HCN2: variants seen among roughly 807,000 people sequenced by gnomAD.
The protein encoded by HCN2 is hyperpolarization activated cyclic nucleotide gated potassium and sodium channel 2, also known as potassium/sodium hyperpolarization-activated cyclic nucleotide-gated channel 2.
A neutral mutation model predicts 52.3 loss-of-function variants in HCN2; 20 were observed. That is an observed-to-expected ratio of 0.38 (90% CI 0.27 to 0.56). HCN2 has a LOEUF of 0.56. Ranked by LOEUF, HCN2 falls within the 20% of genes least tolerant of loss-of-function variation. HCN2 has a pLI of 0.71. For missense variants in HCN2, 981 were observed against 1,207.7 expected, an observed-to-expected ratio of 0.81 and a Z score of 2.78; for synonymous variants, 694 against 537.0, an observed-to-expected ratio of 1.29 and a Z score of -4.04.
rs1982874104 is a variant in HCN2, at chr19:591,588, GGTGGGGTGTGGA to G, written c.632+1013_632+1024del. On this transcript the variant is annotated intron_variant, in intron 1 of 7. Coordinates refer to ENST00000251287, the MANE Select transcript of HCN2 (RefSeq NM_001194.4). This position sits in a 1 kb window ranked among gnomAD's most constrained non-coding sequence, Gnocchi z 4.1. ...TTGTGTATCCACGAGTGGGGTGTGA[GGTGGGGTGTGGA>G]GGGTGCAGGTGGAGGGTGTAGGTGG... Among the ~76,000 whole-genome samples, 1 of 152,108 alleles carries G rather than the reference GGTGGGGTGTGGA, an allele frequency of 6.6e-6. No homozygotes were observed. The highest frequency in any genetic ancestry group is 2.1e-4 in the South Asian group (1 of 4,832).
chr19:613,279 T>C lies in HCN2; in HGVS notation c.1616T>C (p.Val539Ala), dbSNP rs979093922. The change falls in exon 6 of 8, where the codon GTG becomes GCG. Residue 539 changes from valine to alanine, a missense_variant. Transcript: ENST00000251287. The stretch of plus-strand genomic sequence containing the variant: ...GTCAACTTCAACTGCCGGAAGCTGG[T>C]GGCCTCCATGCCGCTGTTCGCCAAC... ...EIVNFNCRKL[V>A]ASMPLFANAD... 1 of 1,612,512 alleles carries C rather than the reference T, an allele frequency of 6.2e-7. No individual in the cohort carries two copies. The highest frequency in any genetic ancestry group is 8.5e-7 in the Non-Finnish European group (1 of 1,179,856).
intron 1 of HCN2, among the ~76,000 whole-genome samples, chr19:602,876 G>A (rs1354658878): frequency 1.3e-5 from 2 of 152,208 alleles, no homozygotes; most frequent in Non-Finnish European, 2.9e-5. Flanking sequence ...GGCTCCCTCG[G>A]GGCTGGGTGG....
chr19:613,667 A>C (rs1249549120), intron 6 of HCN2, among the ~76,000 whole-genome samples, 179 bp downstream of exon 6: 327 of 8,884 alleles, frequency 0.037, 16 homozygotes, highest in African/African-American at 0.14. Context: ...GGGGCCGGGG[A>C]TGGGGATGGG....
At chr19:598,721 C>T (rs1983111422) in intron 1 of HCN2, among the ~76,000 whole-genome samples, 1 of 152,258 alleles carries the variant, frequency 6.6e-6, no homozygotes, top group Non-Finnish European at 1.5e-5. Flanking sequence ...CCTGCCTCAG[C>T]CTCCCGAGTA....
chr19:600,318 G>A lies in HCN2; in HGVS notation c.633-3226G>A, dbSNP rs1422668005. On this transcript the variant is annotated intron_variant, in intron 1 of 7. Coordinates refer to ENST00000251287, the MANE Select transcript of HCN2 (RefSeq NM_001194.4). ...GTCCCGAGTAGCTGGTACTACAGGC[G>A]CCCGCCACCACGCCCGGCTAATTTT... Among the ~76,000 whole-genome samples, 9 of 151,714 alleles carry A rather than the reference G, an allele frequency of 5.9e-5. No homozygotes were observed. The South Asian group carries it at 8.3e-4, about 14-fold the overall frequency.
At chr19:604,080 C>A in intron 2 of HCN2, 113 bp downstream of exon 2, 1 of 771,682 alleles carries the variant, frequency 1.3e-6, no homozygotes, top group Non-Finnish European at 2.0e-6. Context: ...GGGGCCAAGG[C>A]AGCAGGGGTG....
At chr19:601,879 G>A (rs1463058491) in intron 1 of HCN2, among the ~76,000 whole-genome samples, 1 of 151,826 alleles carries the variant, frequency 6.6e-6, no homozygotes, top group Admixed American at 6.6e-5. Flanking sequence ...AGCTTCCCAG[G>A]GAGAGTTTTG....
chr19:613,708 G>GCCGGGGC, intron 6 of HCN2, 144 bp from the exon 7 acceptor site: 1 of 550,166 alleles, frequency 1.8e-6, no homozygotes, highest in Middle Eastern at 6.6e-4. Context: ...TGGGGCCGGG[G>GCCGGGGC]ATGGGGCCGG....
At chr19:610,438 C>G in intron 5 of HCN2, 33 bp downstream of exon 5, 15 of 1,600,700 alleles carry the variant, frequency 9.4e-6, no homozygotes, top group Non-Finnish European at 1.3e-5. Context: ...GGGAGGCAGC[C>G]TCCGGTACAG....
chr19:607,884 TG>T, intron 3 of HCN2, 79 bp from the exon 4 acceptor site: 2 of 1,050,152 alleles, frequency 1.9e-6, no homozygotes, highest in Non-Finnish European at 2.8e-6. Flanking sequence ...TGGCAGAGGG[TG>T]GGCGCTGGGC....
intron 5 of HCN2, among the ~76,000 whole-genome samples, chr19:611,951 G>C (rs1478740977): frequency 2.0e-5 from 3 of 152,246 alleles, no homozygotes; most frequent in African/African-American, 4.8e-5. Context: ...TTCGAGACCA[G>C]CCTGGCCAAC....
At chr19:615,634 A>T (rs2144538117) in intron 7 of HCN2, among the ~76,000 whole-genome samples, 161 bp from the exon 8 acceptor site, 1 of 152,352 alleles carries the variant, frequency 6.6e-6, no homozygotes, top group Middle Eastern at 3.4e-3. Flanking sequence ...TATAGGCCAG[A>T]GATGCTACAT....
chr19:611,296 G>A lies in HCN2; in HGVS notation c.1584+891G>A, dbSNP rs1017850288. On this transcript the variant is annotated intron_variant, in intron 5 of 7. Transcript: ENST00000251287. ...GAAGGTCCCACCCTCAGGAAGCGGG[G>A]CCTAGGGATGGCGGCCGTGATCACG... 5.9e-5 allele frequency among the ~76,000 whole-genome samples: 9 copies of A among 152,366 alleles called. No homozygotes were observed. The South Asian group carries it at 8.3e-4, about 14-fold the overall frequency.
Position 616,492 on chromosome 19 carries a change from G to A in HCN2, c.*18G>A, listed in dbSNP as rs755732935. 66 of 1,203,208 alleles carry A rather than the reference G, an allele frequency of 5.5e-5. 1 individual carries two copies. The South Asian group carries it at 1.4e-3, about 26-fold the overall frequency. 74.5% of individuals were successfully genotyped at this position (1,203,208 alleles called of 1,614,324 possible). A position where few individuals can be genotyped will look rare whatever the true frequency, so the allele number is the denominator to read the frequency against. ...ACTTGTGACCCTCGCCGACCGCCCCGCGGGCCCAGGCGGGCCGGGGGCGGG... is the reference window on the plus strand; with the variant it reads ...ACTTGTGACCCTCGCCGACCGCCCCACGGGCCCAGGCGGGCCGGGGGCGGG... On this transcript the variant is annotated 3_prime_UTR_variant, in exon 8 of 8. Transcript: ENST00000251287.
At chr19:596,925 C>T (rs1041015638) in intron 1 of HCN2, among the ~76,000 whole-genome samples, 4 of 152,042 alleles carry the variant, frequency 2.6e-5, no homozygotes, top group Admixed American at 2.0e-4. Context: ...TTGGGGTGCA[C>T]CGGCAGAGAC....
chr19:614,056 C>T (rs775095216), intron 7 of HCN2, 40 bp downstream of exon 7: 51 of 1,285,860 alleles, frequency 4.0e-5, no homozygotes, highest in South Asian at 1.8e-4. Flanking sequence ...GGTGCCCTGG[C>T]GGGGGAGGGG....
At chr19:613,662 CGGGGAT>C (rs1156401344) in intron 6 of HCN2, among the ~76,000 whole-genome samples, 174 bp downstream of exon 6, 611 of 13,082 alleles carry the variant, frequency 0.047, 38 homozygotes, top group African/African-American at 0.16. Context: ...GGGATGGGGC[CGGGGAT>C]GGGGATGGGG....
chr19:602,550 G>A (rs918729641), intron 1 of HCN2, among the ~76,000 whole-genome samples: 3 of 152,148 alleles, frequency 2.0e-5, no homozygotes, highest in Admixed American at 6.5e-5. Context: ...ACCTCCCGGC[G>A]TGAGCTGAGC....
At chr19:602,612 G>A (rs969007388) in intron 1 of HCN2, among the ~76,000 whole-genome samples, 2 of 152,174 alleles carry the variant, frequency 1.3e-5, no homozygotes, top group African/African-American at 2.4e-5. Context: ...TGTGCGCGCC[G>A]CCCTGCCTCG....
Sources: gnomAD v4.1 joint callset for allele counts (sites outside exome capture counted in the v4.1 genomes callset) on GRCh38, gnomAD v4.1.1 for gene constraint, Gnocchi (gnomAD v3.1) non-coding constraint, MANE v1.5 for transcripts, NCBI Gene and HGNC (gene_info 2026-07-23, HGNC 2026-07-21) for gene names.